EHBP1L1: variants seen among roughly 807,000 people sequenced by gnomAD.
EHBP1L1 encodes the protein EH domain-binding protein 1-like protein 1.
EHBP1L1 carries 122 observed loss-of-function variants against 151.1 expected under a neutral mutation model. The observed-to-expected ratio is 0.81, with a 90% CI of 0.70 to 0.94. EHBP1L1 has a LOEUF of 0.94. Ranked by LOEUF, EHBP1L1 falls within the 40% of genes least tolerant of loss-of-function variation. The pLI is 0.00. For synonymous variants in EHBP1L1, 878 were observed against 810.1 expected (o/e 1.08, Z -1.42); for missense variants, 1,941 against 1,959.8 (o/e 0.99, Z 0.18).
At position 65,583,523 on chromosome 11, in the gene EHBP1L1, G is replaced by C. The variant is rs1254483679; in HGVS notation, c.2851G>C (p.Ala951Pro). 1 of 1,613,262 alleles carries C rather than the reference G, an allele frequency of 6.2e-7. No individual in the cohort carries two copies. Among genetic ancestry groups the C allele is most frequent in the Admixed American group, 1.7e-5 (1 of 59,952 alleles). Residue 951 changes from alanine to proline, a missense_variant, in exon 9 of 19, where the codon GCT becomes CCT. Coordinates refer to ENST00000309295, the MANE Select transcript of EHBP1L1 (RefSeq NM_001099409.3). ...VWGMSEGKSG[A>P]WGAQEAEMKV... is the part of the protein sequence containing the mutation. ...GGGGATGTCAGAGGGCAAATCTGGG[G>C]CTTGGGGGGCCCAGGAAGCAGAGAT... is the stretch of plus-strand genomic sequence containing the variant.
intron 9 of EHBP1L1, chr11:65,584,029 T>C: frequency 7.1e-7 from 1 of 1,411,260 alleles, no homozygotes; most frequent in Non-Finnish European, 9.2e-7. Flanking sequence ...CCTCTGATCT[T>C]GTCTGGGGGC....
intron 16 of EHBP1L1, 37 bp from the exon 17 acceptor site, chr11:65,591,763 G>GCCCCCCCCCCCC: frequency 3.0e-5 from 34 of 1,128,580 alleles, no homozygotes; most frequent in East Asian, 5.1e-5. Context: ...TTCCTGAACT[G>GCCCCCCCCCCCC]CCACCCCCCC....
At chr11:65,590,353 C>T in intron 15 of EHBP1L1, 140 bp from the exon 16 acceptor site, 1 of 1,504,044 alleles carries the variant, frequency 6.6e-7, no homozygotes, top group Non-Finnish European at 9.0e-7. Flanking sequence ...CATGCTGAGG[C>T]CCTGAAGTGG....
Position 65,591,789 on chromosome 11 carries a change from C to CCCCCA in EHBP1L1, c.4284-10_4284-9insCCCAC. 1.3e-6 allele frequency: 2 copies of CCCCCA among 1,540,434 alleles called. No homozygotes were observed. The highest frequency in any genetic ancestry group is 1.8e-6 in the Non-Finnish European group (2 of 1,140,904). Reference sequence around the variant, plus strand: ...CCACCCCCCCGCCACCCACCCCCCGCCACCTTCCAGCATGGAGGAGCAGGA... The same window carrying CCCCCA: ...CCACCCCCCCGCCACCCACCCCCCGCCCCCACACCTTCCAGCATGGAGGAGCAGGA... On this transcript the variant is annotated splice_polypyrimidine_tract_variant and intron_variant, in intron 16 of 18. Transcript: ENST00000309295.
Position 65,585,664 on chromosome 11 carries a change from A to G in EHBP1L1, c.3933+73A>G, listed in dbSNP as rs1353977505. The G allele has an allele frequency of 6.6e-7, 1 of 1,515,952 alleles. No individual in the cohort carries two copies. The highest frequency in any genetic ancestry group is 1.4e-5 in the African/African-American group (1 of 71,872). 93.9% of individuals were successfully genotyped at this position (1,515,952 alleles called of 1,614,324 possible). On this transcript the variant is annotated intron_variant, in intron 12 of 18. Transcript: ENST00000309295. The surrounding 1 kb of genome is among the most constrained non-coding windows in gnomAD (Gnocchi z 4.0). ...CGGGAAGATGGGCAGAGAACGGGCG[A>G]GCCCCCAAGGGGCCCCAAGGACAGA...
At position 65,581,040 on chromosome 11, in the gene EHBP1L1, C is replaced by A. The variant is rs142970959; in HGVS notation, c.635-18C>A. ...CCTGGGCTGACTCTGCCCTTCTCCC[C>A]TCTCCTACCATTCCCAGATCCCTCT... On this transcript the variant is annotated intron_variant, in intron 6 of 18. Transcript: ENST00000309295. The A allele has an allele frequency of 3.8e-6, 6 of 1,592,030 alleles. No individual in the cohort carries two copies. In the African/African-American group the frequency reaches 8.1e-5, roughly 21 times the overall value.
In EHBP1L1 at chr11:65,585,190, C is replaced by A; in HGVS notation, c.3532C>A (p.Leu1178Met). Residue 1178 changes from leucine to methionine, a missense_variant, in exon 12 of 19, where the codon CTG becomes ATG. Physicochemically the swap from Leu to Met is conservative, Grantham distance 15. Coordinates refer to ENST00000309295, the MANE Select transcript of EHBP1L1 (RefSeq NM_001099409.3). The surrounding 1 kb of genome is among the most constrained non-coding windows in gnomAD (Gnocchi z 4.0). ...GCCCGACGACCTGGACGCCGGAGGC[C>A]TGGCGCAGCGGCTGCGCGGTCACGG... ...SPPDDLDAGG[L>M]AQRLRGHGAE... The A allele has an allele frequency of 1.6e-6, 2 of 1,249,666 alleles. No individual in the cohort carries two copies. The highest frequency in any genetic ancestry group is 2.1e-5 in the South Asian group (1 of 46,950). The allele number at this position is 1,249,666 out of a possible 1,614,324, so 77.4% of individuals were successfully genotyped here.
intron 6 of EHBP1L1, 21 bp from the exon 7 acceptor site, chr11:65,581,037 C>T (rs1261465516): frequency 1.9e-6 from 3 of 1,588,584 alleles, no homozygotes; most frequent in African/African-American, 2.7e-5. Flanking sequence ...CTGCCCTTCT[C>T]CCCTCTCCTA....
At chr11:65,579,591 A>G (rs1857494663) in intron 3 of EHBP1L1, among the ~76,000 whole-genome samples, 155 bp downstream of exon 3, 1 of 152,054 alleles carries the variant, frequency 6.6e-6, no homozygotes, top group Admixed American at 6.6e-5. Context: ...TCACTGGCCC[A>G]GGAGGTCTCC....
At chr11:65,584,783 C>T in intron 11 of EHBP1L1, 176 bp from the exon 12 acceptor site, 1 of 1,020,862 alleles carries the variant, frequency 9.8e-7, no homozygotes, top group Non-Finnish European at 1.4e-6. Flanking sequence ...TGTGCCGTTG[C>T]TAAGCAACGC....
intron 1 of EHBP1L1, among the ~76,000 whole-genome samples, chr11:65,577,511 G>A (rs1223405844): frequency 6.6e-6 from 1 of 152,214 alleles, no homozygotes; most frequent in Non-Finnish European, 1.5e-5. Flanking sequence ...CAGGCTGAGG[G>A]TGCCGGCAGT....
chr11:65,586,289 G>A (rs1420733797), intron 12 of EHBP1L1, among the ~76,000 whole-genome samples: 1 of 152,168 alleles, frequency 6.6e-6, no homozygotes, highest in Non-Finnish European at 1.5e-5. Context: ...GAAAGAGCAG[G>A]GATTTGCTCA....
intron 1 of EHBP1L1, among the ~76,000 whole-genome samples, chr11:65,576,751 C>A (rs1054281638): frequency 2.0e-5 from 3 of 152,096 alleles, no homozygotes; most frequent in African/African-American, 7.2e-5. Flanking sequence ...GAAAAGGGAT[C>A]AAGTTTTGAG....
intron 16 of EHBP1L1, among the ~76,000 whole-genome samples, chr11:65,590,848 T>C (rs1215235501): frequency 2.0e-5 from 3 of 150,562 alleles, no homozygotes; most frequent in Non-Finnish European, 4.4e-5. Context: ...CCAGCCAACA[T>C]GGTGAAACCC....
Position 65,582,587 on chromosome 11 carries a change from G to T in EHBP1L1, c.1915G>T (p.Gly639Trp), listed in dbSNP as rs752846702. The T allele has an allele frequency of 8.1e-6, 13 of 1,613,240 alleles. No individual in the cohort carries two copies. Among genetic ancestry groups the T allele is most frequent in the African/African-American group, 4.0e-5 (3 of 74,804 alleles). ...ACTGGAGACCCAGGAAACAGAGGTG[G>T]GGGTCATAGAGACCCCAGGGACAGA... ...EGLETQETEV[G>W]VIETPGTETE... is the part of the protein sequence containing the mutation. Residue 639 changes from glycine (G) to tryptophan (W), a missense_variant, in exon 9 of 19, where the codon GGG becomes TGG. Coordinates refer to ENST00000309295, the MANE Select transcript of EHBP1L1 (RefSeq NM_001099409.3).
Position 65,580,077 on chromosome 11 carries a change from A to C in EHBP1L1, c.313-4A>C, listed in dbSNP as rs780286364. The C allele has an allele frequency of 5.6e-6, 9 of 1,612,476 alleles. No individual in the cohort carries two copies. Among genetic ancestry groups the C allele is most frequent in the Non-Finnish European group, 5.9e-6 (7 of 1,178,916 alleles). On this transcript the variant is annotated splice_region_variant and splice_polypyrimidine_tract_variant and intron_variant, in intron 4 of 18. Transcript: ENST00000309295. ...CTTCTCCTGGTCTCTCCCCTGGCCC[A>C]CAGGAGTCTAAGGGGCAGCGGAAGG...
Position 65,582,209 on chromosome 11 carries a change from G to A in EHBP1L1, c.1537G>A (p.Gly513Ser). 6.5e-7 allele frequency: 1 copy of A among 1,535,218 alleles called. No individual in the cohort carries two copies. The highest frequency in any genetic ancestry group is 8.7e-7 in the Non-Finnish European group (1 of 1,145,028). The change falls in exon 9 of 19, where the codon GGT becomes AGT. Residue 513 changes from glycine to serine, a missense_variant. Coordinates refer to ENST00000309295, the MANE Select transcript of EHBP1L1 (RefSeq NM_001099409.3). ...GGAGAGAGAGGGTGCAGAAGTGAGGGGTGGAGCACCTGGTATTGAGGGGAC... is the reference window on the plus strand; with the variant it reads ...GGAGAGAGAGGGTGCAGAAGTGAGGAGTGGAGCACCTGGTATTGAGGGGAC... ...GQEREGAEVR[G>S]GAPGIEGTGL...
In EHBP1L1 at chr11:65,583,450, G is replaced by A; in HGVS notation, c.2778G>A (p.Gly926=). The A allele has an allele frequency of 1.2e-6, 2 of 1,613,620 alleles. No individual in the cohort carries two copies. Among genetic ancestry groups the A allele is most frequent in the Non-Finnish European group, 1.7e-6 (2 of 1,179,780 alleles). ...AAGCAGAGATTTCAGGAGTACAAGG[G>A]TCAGAGACTCAAGTTCTGAGAGTCC... The part of the protein sequence containing the change: ...EAKAEISGVQ[G]SETQVLRVQE... Residue 926 remains glycine (G), a synonymous_variant, in exon 9 of 19, where the codon GGG becomes GGA. Transcript: ENST00000309295.
chr11:65,591,750 CT>C, intron 16 of EHBP1L1, 49 bp from the exon 17 acceptor site: 1 of 1,449,370 alleles, frequency 6.9e-7, no homozygotes, highest in Non-Finnish European at 9.5e-7. Context: ...CCCTACGCCC[CT>C]TTTCCTGAAC....
Sources: gnomAD v4.1 joint callset for allele counts (sites outside exome capture counted in the v4.1 genomes callset) on GRCh38, gnomAD v4.1.1 for gene constraint, Gnocchi (gnomAD v3.1) non-coding constraint, MANE v1.5 for transcripts, NCBI Gene and HGNC (gene_info 2026-07-23, HGNC 2026-07-21) for gene names.